Variants in CFAP54 observed in about 807,000 individuals in gnomAD.
CFAP54 encodes cilia and flagella associated protein 54.
In CFAP54, 290 loss-of-function variants were observed where a neutral mutation model predicts 370.4. That is an observed-to-expected ratio of 0.78 (90% CI 0.71 to 0.86). The LOEUF is 0.86. Among genes scored for constraint, CFAP54 ranks in the 40% least tolerant of loss-of-function variants. The pLI, the probability that CFAP54 is intolerant of heterozygous loss-of-function variation, is 0.00. For synonymous variants in CFAP54, 1,206 were observed against 1,236.5 expected, an observed-to-expected ratio of 0.98 and a Z score of 0.52; for missense variants, 3,399 against 3,528.7, an observed-to-expected ratio of 0.96 and a Z score of 0.93.
At chr12:96,757,626 C>A in intron 58 of CFAP54, 38 bp downstream of exon 58, 1 of 1,251,242 alleles carries the variant, frequency 8.0e-7, no homozygotes. Flanking sequence ...GAGTTAATTG[C>A]CTTTGAGCTT....
At chr12:96,768,563 T>C (rs1958425266) in intron 60 of CFAP54, among the ~76,000 whole-genome samples, 1 of 149,764 alleles carries the variant, frequency 6.7e-6, no homozygotes, top group South Asian at 2.1e-4. Context: ...TGAGGCAGGA[T>C]AAATGGATTG....
chr12:96,622,598 C>A (rs1956511402), intron 27 of CFAP54, among the ~76,000 whole-genome samples: 1 of 152,184 alleles, frequency 6.6e-6, no homozygotes, highest in South Asian at 2.1e-4. Flanking sequence ...GATCCTCCCA[C>A]CTTGGCCTCC....
chr12:96,644,807 C>T (rs1009508819), intron 33 of CFAP54, among the ~76,000 whole-genome samples: 6 of 152,150 alleles, frequency 3.9e-5, no homozygotes, highest in African/African-American at 1.4e-4. Context: ...TCAGTTACCT[C>T]CACCTGGTCC....
At position 96,494,967 on chromosome 12, in the gene CFAP54, C is replaced by A. The variant is rs147908104; in HGVS notation, c.317+5041C>A. 4.2e-3 allele frequency among the ~76,000 whole-genome samples: 644 copies of A among 152,204 alleles called. 7 individuals are homozygous for A. Among genetic ancestry groups the A allele is most frequent in the African/African-American group, 0.015 (609 of 41,530 alleles). ...GTCTCGATATCTTGACCTCGTGATC[C>A]GACCGCTTTGGCCTCCCAAAGTATT... is the stretch of plus-strand genomic sequence containing the variant. On this transcript the variant is annotated intron_variant, in intron 1 of 67. Coordinates refer to ENST00000524981, the MANE Select transcript of CFAP54 (RefSeq NM_001306084.2).
chr12:96,585,223 C>G (rs1057475023), intron 22 of CFAP54, among the ~76,000 whole-genome samples: 1 of 151,954 alleles, frequency 6.6e-6, no homozygotes, highest in African/African-American at 2.4e-5. Context: ...TGCAGTGGTG[C>G]GATCTCAGCT....
At chr12:96,608,567 T>G (rs1956324861) in intron 26 of CFAP54, among the ~76,000 whole-genome samples, 1 of 150,774 alleles carries the variant, frequency 6.6e-6, no homozygotes, top group African/African-American at 2.4e-5. Context: ...GTTCAAGTGA[T>G]TCTCATGCCT....
At chr12:96,682,598 A>G (rs1957285103) in intron 40 of CFAP54, among the ~76,000 whole-genome samples, 1 of 151,548 alleles carries the variant, frequency 6.6e-6, no homozygotes, top group Non-Finnish European at 1.5e-5. Context: ...CTGATCTTGA[A>G]CTCTTGGGCT....
intron 50 of CFAP54, among the ~76,000 whole-genome samples, chr12:96,731,400 G>T (rs891299269): frequency 6.6e-6 from 1 of 152,178 alleles, no homozygotes; most frequent in Non-Finnish European, 1.5e-5. Flanking sequence ...TTGAGAGTTG[G>T]ACAGGCTGCT....
chr12:96,530,344 G>C (rs1026478362), intron 9 of CFAP54, among the ~76,000 whole-genome samples: 2 of 152,210 alleles, frequency 1.3e-5, no homozygotes, highest in Non-Finnish European at 2.9e-5. Flanking sequence ...ACAAGAATTA[G>C]CCAGGCGTCA....
chr12:96,765,725 A>T (rs969014957), intron 60 of CFAP54, among the ~76,000 whole-genome samples: 7 of 152,266 alleles, frequency 4.6e-5, no homozygotes, highest in African/African-American at 1.7e-4. Flanking sequence ...GTGCTTGCAC[A>T]TAGCAGACAT....
chr12:96,812,290 A>G (rs1958935464), intron 64 of CFAP54, among the ~76,000 whole-genome samples: 1 of 152,150 alleles, frequency 6.6e-6, no homozygotes, highest in South Asian at 2.1e-4. Context: ...ATTAAGCCCA[A>G]ACTCCACTAC....
Position 96,825,322 on chromosome 12 carries a change from A to G in CFAP54, c.9097-3692A>G, listed in dbSNP as rs568532857. Among the ~76,000 whole-genome samples the G allele has an allele frequency of 2.9e-3, 355 of 123,762 alleles. 5 individuals carry two copies. In the East Asian group the frequency reaches 0.035, roughly 12 times the overall value. 81.2% of individuals were successfully genotyped at this position (123,762 alleles called of 152,430 possible). On this transcript the variant is annotated intron_variant, in intron 65 of 67. Coordinates refer to ENST00000524981, the MANE Select transcript of CFAP54 (RefSeq NM_001306084.2). The stretch of plus-strand genomic sequence containing the variant: ...ATATTATATATATAATATAATATAT[A>G]TTATATAACATGTTATATATTATGT...
chr12:96,756,341 A>G, intron 56 of CFAP54, 117 bp from the exon 57 acceptor site: 1 of 612,588 alleles, frequency 1.6e-6, no homozygotes. Context: ...AGAAATAGAC[A>G]GACATACAAA....
At position 96,748,695 on chromosome 12, in the gene CFAP54, A is replaced by G. The variant is rs1448639234; in HGVS notation, c.7684+4549A>G. 2.6e-5 allele frequency among the ~76,000 whole-genome samples: 4 copies of G among 152,346 alleles called. No homozygotes were observed. In the South Asian group the frequency reaches 6.2e-4, roughly 24 times the overall value. On this transcript the variant is annotated intron_variant, in intron 55 of 67. Transcript: ENST00000524981. Reference sequence around the variant, plus strand: ...CATCATGTCTAGCTTTGAGTGTCTCAAATGAGAACTGCAGTGTCAGTCTAA... The same window carrying G: ...CATCATGTCTAGCTTTGAGTGTCTCGAATGAGAACTGCAGTGTCAGTCTAA...
intron 35 of CFAP54, among the ~76,000 whole-genome samples, chr12:96,650,824 G>T (rs1330504499): frequency 6.6e-6 from 1 of 152,038 alleles, no homozygotes; most frequent in African/African-American, 2.4e-5. Context: ...CATAAGCATC[G>T]AATCCTATCC....
intron 55 of CFAP54, among the ~76,000 whole-genome samples, chr12:96,747,431 G>C (rs902419983): frequency 4.6e-5 from 7 of 151,978 alleles, no homozygotes; most frequent in African/African-American, 1.7e-4. Context: ...TATAACTTTT[G>C]TAACAAAAAA....
intron 66 of CFAP54, among the ~76,000 whole-genome samples, chr12:96,831,742 C>G (rs1959171811): frequency 6.6e-6 from 1 of 152,192 alleles, no homozygotes; most frequent in African/African-American, 2.4e-5. Context: ...TGAGTTCTTA[C>G]AGTGCCTTGT....
At chr12:96,869,726 G>A (rs903503427) in intron 67 of CFAP54, among the ~76,000 whole-genome samples, 3 of 151,590 alleles carry the variant, frequency 2.0e-5, no homozygotes, top group African/African-American at 2.4e-5. Flanking sequence ...ACCTGAGGTC[G>A]GGAGTTGGAA....
chr12:96,815,085 G>A (rs916794601), intron 64 of CFAP54, among the ~76,000 whole-genome samples: 13 of 152,236 alleles, frequency 8.5e-5, no homozygotes, highest in Admixed American at 3.3e-4. Context: ...TGGGATTGCT[G>A]GGTCAAATGG....
Sources: gnomAD v4.1 joint callset for allele counts (sites outside exome capture counted in the v4.1 genomes callset) on GRCh38, gnomAD v4.1.1 for gene constraint, MANE v1.5 for transcripts, NCBI Gene and HGNC (gene_info 2026-07-23, HGNC 2026-07-21) for gene names.